The following CNTNAP3 variants were observed in gnomAD, a reference collection of about 807,000 sequenced individuals.
The protein encoded by CNTNAP3 is contactin-associated protein-like 3.
In CNTNAP3, 36 loss-of-function variants were observed where a neutral mutation model predicts 92.1. The ratio of observed to expected loss-of-function variants is 0.39; its 90% CI spans 0.30 to 0.52. The LOEUF is 0.52. CNTNAP3 is among the 20% of genes least tolerant of loss of function. The pLI, the probability that CNTNAP3 is intolerant of heterozygous loss-of-function variation, is 0.76. For missense variants in CNTNAP3, 534 were observed against 1,069.6 expected (o/e 0.50, Z 6.98); for synonymous variants, 232 against 422.3 (o/e 0.55, Z 5.53).
At position 39,072,384 on chromosome 9, in the gene CNTNAP3, T is replaced by C. The variant is rs1424065266; in HGVS notation, c.*1506A>G. On this transcript the variant is annotated 3_prime_UTR_variant, in exon 24 of 24. Coordinates refer to ENST00000297668, the MANE Select transcript of CNTNAP3 (RefSeq NM_033655.5). ...TATCTGGAATATGAAGAGTGTAGCA[T>C]CATTGCTTTTATGTAATTGGTTTAT... Among the ~76,000 whole-genome samples, 4 of 149,520 alleles carry C rather than the reference T, an allele frequency of 2.7e-5. No homozygotes were observed. Among genetic ancestry groups the C allele is most frequent in the African/African-American group, 7.5e-5 (3 of 40,038 alleles).
At chr9:39,113,684 A>C (rs1453611380) in intron 14 of CNTNAP3, among the ~76,000 whole-genome samples, 1 of 152,052 alleles carries the variant, frequency 6.6e-6, no homozygotes, top group East Asian at 1.9e-4. Flanking sequence ...TATTGATTAC[A>C]GTTAAGAATA....
At chr9:39,128,122 A>G (rs1587721911) in intron 13 of CNTNAP3, among the ~76,000 whole-genome samples, 1 of 152,166 alleles carries the variant, frequency 6.6e-6, no homozygotes, top group East Asian at 1.9e-4. Flanking sequence ...CACAGGCGTG[A>G]GCCACCCTGC....
At chr9:39,109,504 G>A (rs1274586380) in intron 14 of CNTNAP3, among the ~76,000 whole-genome samples, 3 of 152,122 alleles carry the variant, frequency 2.0e-5, no homozygotes, top group South Asian at 4.1e-4. Context: ...TCTTAGCTCA[G>A]CAGGCCATGC....
intron 14 of CNTNAP3, among the ~76,000 whole-genome samples, chr9:39,114,057 T>C (rs191999228): frequency 0.035 from 4,561 of 128,872 alleles, 130 homozygotes; most frequent in East Asian, 0.1. Context: ...CACACACACA[T>C]ATATATATAT....
intron 14 of CNTNAP3, among the ~76,000 whole-genome samples, chr9:39,114,794 T>G (rs1417567206): frequency 6.6e-6 from 1 of 152,010 alleles, no homozygotes. Context: ...CACACAAAAG[T>G]CCTATTTAAA....
rs1357507209 is a variant in CNTNAP3 at position 39,069,744 on chromosome 9, C to T, written c.*4146G>A. Among the ~76,000 whole-genome samples the T allele has an allele frequency of 6.6e-6, 1 of 152,310 alleles. No individual in the cohort carries two copies. The highest frequency in any genetic ancestry group is 6.5e-5 in the Admixed American group (1 of 15,294). On this transcript the variant is annotated 3_prime_UTR_variant, in exon 24 of 24. Coordinates refer to ENST00000297668, the MANE Select transcript of CNTNAP3 (RefSeq NM_033655.5). ...TTACATTTGCACTTAAGTATACCAA[C>T]TTAAACCGTGAGTGGCTGTTCTGAC...
chr9:39,093,217 G>T (rs1251682154), intron 18 of CNTNAP3, among the ~76,000 whole-genome samples: 2 of 129,286 alleles, frequency 1.5e-5, no homozygotes, highest in Non-Finnish European at 1.7e-5. Context: ...TATTATTATT[G>T]ATACAGTTAG....
chr9:39,077,835 C>CA (rs61257910), intron 23 of CNTNAP3, among the ~76,000 whole-genome samples: 8 of 151,698 alleles, frequency 5.3e-5, no homozygotes, highest in East Asian at 1.9e-4. Context: ...AACTGTTCTT[C>CA]AAAAAAAATT....
chr9:39,105,202 C>T (rs569083939), intron 15 of CNTNAP3, among the ~76,000 whole-genome samples: 5 of 152,196 alleles, frequency 3.3e-5, no homozygotes, highest in Non-Finnish European at 7.4e-5. Context: ...CCAAGGCGGG[C>T]GGATCATGAA....
At position 39,133,081 on chromosome 9, in the gene CNTNAP3, C is replaced by T. The variant is rs373851232; in HGVS notation, c.1931G>A (p.Arg644Gln). 5 of 1,566,216 alleles carry T rather than the reference C, an allele frequency of 3.2e-6. No homozygotes were observed. The highest frequency in any genetic ancestry group is 2.0e-4 in the Middle Eastern group (1 of 4,944). The change falls in exon 13 of 24, where the codon CGA becomes CAA. Residue 644 changes from arginine to glutamine, a missense_variant. By Grantham distance (43) the Arg-to-Gln change is conservative. Transcript: ENST00000297668. ...QHGGPDAVTL[R>Q]GAPSGHPRSA... is the part of the protein sequence containing the mutation. ...GCGCGGGTGCCCGCTGGGGGCACCT[C>T]GGAGGGTCACCGCGTCGGGGCCACC...
chr9:39,132,943 G>T lies in CNTNAP3; in HGVS notation c.2069C>A (p.Pro690Gln). 1 of 1,545,508 alleles carries T rather than the reference G, an allele frequency of 6.5e-7. No individual in the cohort carries two copies. The highest frequency in any genetic ancestry group is 1.2e-5 in the South Asian group (1 of 85,264). The change falls in exon 13 of 24, where the codon CCG becomes CAG. Residue 690 changes from proline to glutamine, a missense_variant. Pro to Gln is a moderately conservative substitution (Grantham distance 76). Coordinates refer to ENST00000297668, the MANE Select transcript of CNTNAP3 (RefSeq NM_033655.5). ...GGAGTGGCGCTTACCTCGTGAGTCC[G>T]GGCGCCGCGCCGTCCCGCAGCGCAG... ...LALRCGTARR[P>Q]DSRDGTPLSW...
At chr9:39,107,631 G>A (rs1466653292) in intron 15 of CNTNAP3, among the ~76,000 whole-genome samples, 1 of 152,118 alleles carries the variant, frequency 6.6e-6, no homozygotes, top group African/African-American at 2.4e-5. Flanking sequence ...TCTGGAAATG[G>A]AGAACACAGC....
chr9:39,113,716 C>T (rs1381060236), intron 14 of CNTNAP3, among the ~76,000 whole-genome samples: 2 of 151,882 alleles, frequency 1.3e-5, no homozygotes, highest in Non-Finnish European at 1.5e-5. Flanking sequence ...ATGACAATTC[C>T]ATAAAATTTG....
At chr9:39,138,024 TTTG>T (rs551311081) in intron 12 of CNTNAP3, among the ~76,000 whole-genome samples, 54 of 146,526 alleles carry the variant, frequency 3.7e-4, no homozygotes, top group African/African-American at 1.3e-3. Flanking sequence ...CATGCTGTTT[TTTG>T]TTGTTGTTGT....
At chr9:39,119,102 G>T (rs1182674358) in intron 13 of CNTNAP3, among the ~76,000 whole-genome samples, 2 of 152,030 alleles carry the variant, frequency 1.3e-5, no homozygotes, top group Non-Finnish European at 2.9e-5. Context: ...GGGGGTCAGG[G>T]GCCACAAGTT....
chr9:39,086,792 A>C lies in CNTNAP3; in HGVS notation c.3278T>G (p.Phe1093Cys). Residue 1093 changes from phenylalanine (F) to cysteine (C), a missense_variant, in exon 20 of 24, where the codon TTT becomes TGT. Phe to Cys is a radical substitution (Grantham distance 205). Transcript: ENST00000297668. The part of the protein sequence containing the change: ...DRHQNPDAFT[F>C]DFKNMADGQL... ...CCCATCAGCCATGTTTTTAAAATCAAAGGTAAATGCATCAGGATTTTGATG... is the reference window on the plus strand; with the variant it reads ...CCCATCAGCCATGTTTTTAAAATCACAGGTAAATGCATCAGGATTTTGATG... 1 of 1,610,968 alleles carries C rather than the reference A, an allele frequency of 6.2e-7. No individual in the cohort carries two copies. The highest frequency in any genetic ancestry group is 1.7e-5 in the Admixed American group (1 of 59,922).
intron 13 of CNTNAP3, among the ~76,000 whole-genome samples, chr9:39,123,400 T>TG (rs1476225015): frequency 1.3e-5 from 2 of 151,998 alleles, no homozygotes; most frequent in Non-Finnish European, 1.5e-5. Context: ...CCGACCCTGT[T>TG]GGACAATTTC....
chr9:39,132,840 A>AC lies in CNTNAP3; in HGVS notation c.2080+91dup. ...CTTTGAACTAAGAGCCACGGGAGGG[A>AC]CCCTGGCCTTTTCTCCCTCAAACGC... On this transcript the variant is annotated intron_variant, in intron 13 of 23. Transcript: ENST00000297668. 2.2e-6 allele frequency: 3 copies of AC among 1,386,774 alleles called. No individual in the cohort carries two copies. The South Asian group carries it at 4.2e-5, about 19-fold the overall frequency. 85.9% of individuals were successfully genotyped at this position (1,386,774 alleles called of 1,614,324 possible).
chr9:39,146,460 C>T (rs1054781250), intron 10 of CNTNAP3, among the ~76,000 whole-genome samples: 49 of 152,260 alleles, frequency 3.2e-4, no homozygotes, highest in African/African-American at 9.1e-4. Context: ...GAAGCTGACG[C>T]GGGTGGATGA....
Sources: allele counts gnomAD v4.1 joint callset (sites outside exome capture counted in the v4.1 genomes callset), GRCh38; gene constraint gnomAD v4.1.1; transcripts MANE v1.5; gene names NCBI Gene and HGNC (gene_info 2026-07-23, HGNC 2026-07-21).